KLK11: variants seen among roughly 807,000 people sequenced by gnomAD.
The protein encoded by KLK11 is kallikrein related peptidase 11, also known as kallikrein-11.
In KLK11, 10 loss-of-function variants were observed where a neutral mutation model predicts 23.4. The observed-to-expected ratio is 0.43, with a 90% CI of 0.26 to 0.73. The LOEUF (loss-of-function observed/expected upper bound fraction) is 0.73. Among genes scored for constraint, KLK11 ranks in the 30% least tolerant of loss-of-function variants. The pLI, the probability that KLK11 is intolerant of heterozygous loss-of-function variation, is 0.22. For synonymous variants in KLK11, 131 were observed against 131.7 expected, an observed-to-expected ratio of 0.99 and a Z score of 0.03; for missense variants, 285 against 327.8, an observed-to-expected ratio of 0.87 and a Z score of 1.01.
chr19:51,027,435 C>T (rs529445686), upstream of KLK11: 1 of 1,613,098 alleles, frequency 6.2e-7, no homozygotes, highest in African/African-American at 1.3e-5. Flanking sequence ...CCCAGGCAGC[C>T]CGAGTCCAGC....
rs1305715073 is a variant in KLK11 at position 51,024,808 on chromosome 19, G to A, written c.41-14C>T. On this transcript the variant is annotated splice_polypyrimidine_tract_variant and intron_variant, in intron 2 of 5. Coordinates refer to ENST00000453757, the MANE Select transcript of KLK11 (RefSeq NM_001136032.3). The surrounding 1 kb of genome is among the most constrained non-coding windows in gnomAD (Gnocchi z 6.2). ...CCCCTACAAGCCCTGGAGGGGGTGA[G>A]AGCAAAAGAAGGGGCTCAGGAAGGA... is the stretch of plus-strand genomic sequence containing the variant. The A allele has an allele frequency of 3.2e-6, 5 of 1,548,884 alleles. No individual in the cohort carries two copies. Among genetic ancestry groups the A allele is most frequent in the African/African-American group, 2.8e-5 (2 of 70,828 alleles).
Position 51,025,716 on chromosome 19 carries a change from G to GT in KLK11, c.-35-51_-35-50insA. On this transcript the variant is annotated intron_variant, in intron 1 of 5. Transcript: ENST00000453757. The surrounding 1 kb of genome is among the most constrained non-coding windows in gnomAD (Gnocchi z 6.2). ...CCGCATCACTTTACGGGGAAATCGG[G>GT]AGGGGGGGGCTGGCTCATGCCCTCT... 2 of 767,286 alleles carry GT rather than the reference G, an allele frequency of 2.6e-6. No homozygotes were observed. The highest frequency in any genetic ancestry group is 4.2e-6 in the Non-Finnish European group (2 of 473,394). The allele number at this position is 767,286 out of a possible 1,614,324, so 47.5% of individuals were successfully genotyped here.
upstream of KLK11, chr19:51,027,906 T>G (rs2091508776): frequency 5.5e-6 from 1 of 181,544 alleles, no homozygotes; most frequent in Non-Finnish European, 1.2e-5. Flanking sequence ...CTCCTCCAGT[T>G]TCCCTTCAGT....
In KLK11 at chr19:51,022,550, TG is replaced by T; in HGVS notation, c.747del (p.Asn249LysfsTer51). On this transcript the variant is annotated frameshift_variant, in exon 6 of 6. Transcript: ENST00000453757. LOFTEE classifies it high-confidence loss of function. The stretch of plus-strand genomic sequence containing the variant: ...CTGTGGTGGGTGGGTCCAGTCTAAT[TG>T]TTCTTCATCGTCTCCTGGATCCAGT... ...YVDWIQETMK[N>X]N 6.2e-7 allele frequency: 1 copy of T among 1,614,116 alleles called. No individual in the cohort carries two copies. Among genetic ancestry groups the T allele is most frequent in the Non-Finnish European group, 8.5e-7 (1 of 1,180,014 alleles).
At position 51,024,623 on chromosome 19, in the gene KLK11, A is replaced by G; in HGVS notation, c.197+15T>C. The G allele has an allele frequency of 9.5e-7, 1 of 1,055,426 alleles. No individual in the cohort carries two copies. The highest frequency in any genetic ancestry group is 1.3e-6 in the Non-Finnish European group (1 of 756,836). The allele number at this position is 1,055,426 out of a possible 1,614,324, so 65.4% of individuals were successfully genotyped here. ...CAGCCCCCCACCCCGGCACCGCCCC[A>G]GCCCCCGCACCCACGGCTTGAGGCA... On this transcript the variant is annotated intron_variant, in intron 3 of 5. Transcript: ENST00000453757. This position sits in a 1 kb window ranked among gnomAD's most constrained non-coding sequence, Gnocchi z 6.2.
In KLK11 at chr19:51,024,757, G is replaced by A. The variant is rs769371815; in HGVS notation, c.78C>T (p.Phe26=). The change falls in exon 3 of 6, where the codon TTC becomes TTT. Residue 26 remains phenylalanine, a synonymous_variant. Transcript: ENST00000453757. The surrounding 1 kb of genome is among the most constrained non-coding windows in gnomAD (Gnocchi z 6.2). ...AGGGCTGGGAGTGAGGCTTGCACTC[G>A]AACCCCTTGATGATCCTGGTCTCTC... ...VGGETRIIKG[F]ECKPHSQPWQ... is the part of the protein sequence containing the mutation. 10 of 1,601,840 alleles carry A rather than the reference G, an allele frequency of 6.2e-6. No individual in the cohort carries two copies. Among genetic ancestry groups the A allele is most frequent in the South Asian group, 2.2e-5 (2 of 89,162 alleles).
chr19:51,025,255 C>G lies in KLK11; in HGVS notation c.40+337G>C, dbSNP rs1259868178. On this transcript the variant is annotated intron_variant, in intron 2 of 5. Coordinates refer to ENST00000453757, the MANE Select transcript of KLK11 (RefSeq NM_001136032.3). The surrounding 1 kb of genome is among the most constrained non-coding windows in gnomAD (Gnocchi z 6.2). ...CGGCACTCCAGCCTGGACAATAGAG[C>G]AAGACTTTGTCTCTGGGAAAAAAAA... Among the ~76,000 whole-genome samples, 1 of 150,022 alleles carries G rather than the reference C, an allele frequency of 6.7e-6. No homozygotes were observed. Among genetic ancestry groups the G allele is most frequent in the East Asian group, 1.9e-4 (1 of 5,138 alleles).
intron 4 of KLK11, 184 bp downstream of exon 4, chr19:51,023,861 C>T (rs973033183): frequency 2.5e-5 from 13 of 514,432 alleles, no homozygotes; most frequent in Non-Finnish European, 3.7e-5. Flanking sequence ...TTGCATATCC[C>T]GTCCGTCTGA....
At chr19:51,027,736 C>A, upstream of KLK11, 1 of 522,060 alleles carries the variant, frequency 1.9e-6, no homozygotes, top group Non-Finnish European at 3.4e-6. Context: ...GGACTCCACC[C>A]CTGCAAGGCT....
At chr19:51,027,835 C>A, upstream of KLK11, 1 of 342,800 alleles carries the variant, frequency 2.9e-6, no homozygotes, top group Non-Finnish European at 5.4e-6. Flanking sequence ...TTGGAAAGAG[C>A]AGACTGCGGG....
At chr19:51,027,587 C>CT, upstream of KLK11, 2 of 1,579,616 alleles carry the variant, frequency 1.3e-6, no homozygotes, top group Non-Finnish European at 1.7e-6. Flanking sequence ...CTTCCCTTGG[C>CT]TTTCCTCCCC....
chr19:51,025,717 A>T lies in KLK11; in HGVS notation c.-35-51T>A. On this transcript the variant is annotated intron_variant, in intron 1 of 5. Coordinates refer to ENST00000453757, the MANE Select transcript of KLK11 (RefSeq NM_001136032.3). This position sits in a 1 kb window ranked among gnomAD's most constrained non-coding sequence, Gnocchi z 6.2. Reference sequence around the variant, plus strand: ...CGCATCACTTTACGGGGAAATCGGGAGGGGGGGGCTGGCTCATGCCCTCTC... The same window carrying T: ...CGCATCACTTTACGGGGAAATCGGGTGGGGGGGGCTGGCTCATGCCCTCTC... 7.1e-5 allele frequency: 43 copies of T among 606,396 alleles called. No individual in the cohort carries two copies. Among genetic ancestry groups the T allele is most frequent in the East Asian group, 1.0e-4 (3 of 29,090 alleles). 37.6% of individuals were successfully genotyped at this position (606,396 alleles called of 1,614,324 possible).
chr19:51,023,355 G>T, intron 4 of KLK11, 127 bp from the exon 5 acceptor site: 107 of 906,406 alleles, frequency 1.2e-4, no homozygotes, highest in Middle Eastern at 3.7e-4. Context: ...CTCTCTTCTT[G>T]TAACAATAGC....
At position 51,024,058 on chromosome 19, in the gene KLK11, C is replaced by T. The variant is rs369654018; in HGVS notation, c.450G>A (p.Thr150=). 2.0e-4 allele frequency: 314 copies of T among 1,543,198 alleles called. No homozygotes were observed. The highest frequency in any genetic ancestry group is 5.3e-4 in the South Asian group (42 of 78,896). The stretch of plus-strand genomic sequence containing the variant: ...TGGTGCTCCTACACTGGGGGCTGGA[C>T]GTGCTGCCCCAGCCGGAAATGAGGC... ...TSCLISGWGS[T]SSPQLRLPHT... is the part of the protein sequence containing the mutation. Residue 150 remains threonine, a synonymous_variant, in exon 4 of 6, where the codon ACG becomes ACA. Coordinates refer to ENST00000453757, the MANE Select transcript of KLK11 (RefSeq NM_001136032.3). The surrounding 1 kb of genome is among the most constrained non-coding windows in gnomAD (Gnocchi z 6.2).
In KLK11 at chr19:51,024,861, A is replaced by C; in HGVS notation, c.41-67T>G. The C allele has an allele frequency of 9.2e-6, 13 of 1,417,322 alleles. No individual in the cohort carries two copies. The highest frequency in any genetic ancestry group is 1.1e-5 in the Non-Finnish European group (12 of 1,069,564). The allele number at this position is 1,417,322 out of a possible 1,614,324, so 87.8% of individuals were successfully genotyped here. ...GGTGGTAGACCAGGAGGACTCCCAGAAATGGGGGTGGGGAGGAGAGAAAGA... is the reference window on the plus strand; with the variant it reads ...GGTGGTAGACCAGGAGGACTCCCAGCAATGGGGGTGGGGAGGAGAGAAAGA... On this transcript the variant is annotated intron_variant, in intron 2 of 5. Coordinates refer to ENST00000453757, the MANE Select transcript of KLK11 (RefSeq NM_001136032.3). The surrounding 1 kb of genome is among the most constrained non-coding windows in gnomAD (Gnocchi z 6.2).
upstream of KLK11, chr19:51,027,867 C>T (rs556142868): frequency 3.8e-5 from 9 of 235,572 alleles, no homozygotes; most frequent in Admixed American, 5.6e-5. Flanking sequence ...AATGTGCCTC[C>T]GCTGGTATGA....
chr19:51,025,682 G>A lies in KLK11; in HGVS notation c.-35-16C>T. Reference sequence around the variant, plus strand: ...CCAGGTTCCTCTGGGAACAAGGAGGGACATGGGGCCGCATCACTTTACGGG... The same window carrying A: ...CCAGGTTCCTCTGGGAACAAGGAGGAACATGGGGCCGCATCACTTTACGGG... On this transcript the variant is annotated splice_polypyrimidine_tract_variant and intron_variant, in intron 1 of 5. Coordinates refer to ENST00000453757, the MANE Select transcript of KLK11 (RefSeq NM_001136032.3). The surrounding 1 kb of genome is among the most constrained non-coding windows in gnomAD (Gnocchi z 6.2). The A allele has an allele frequency of 6.9e-7, 1 of 1,439,662 alleles. No homozygotes were observed. Among genetic ancestry groups the A allele is most frequent in the Non-Finnish European group, 9.5e-7 (1 of 1,056,568 alleles). 89.2% of individuals were successfully genotyped at this position (1,439,662 alleles called of 1,614,324 possible). A position where few individuals can be genotyped will look rare whatever the true frequency, so the allele number is the denominator to read the frequency against.
Position 51,025,573 on chromosome 19 carries a change from G to C in KLK11, c.40+19C>G. The C allele has an allele frequency of 6.5e-7, 1 of 1,531,972 alleles. No individual in the cohort carries two copies. Among genetic ancestry groups the C allele is most frequent in the Non-Finnish European group, 8.9e-7 (1 of 1,127,724 alleles). The allele number at this position is 1,531,972 out of a possible 1,614,324, so 94.9% of individuals were successfully genotyped here. A position where few individuals can be genotyped will look rare whatever the true frequency, so the allele number is the denominator to read the frequency against. ...GATTCAAGAGGGAGGATCCTGCCCTGCCCCCATCCCCTGCGTACCTGTTGC... is the reference window on the plus strand; with the variant it reads ...GATTCAAGAGGGAGGATCCTGCCCTCCCCCCATCCCCTGCGTACCTGTTGC... On this transcript the variant is annotated intron_variant, in intron 2 of 5. Transcript: ENST00000453757. The surrounding 1 kb of genome is among the most constrained non-coding windows in gnomAD (Gnocchi z 6.2).
chr19:51,025,768 C>A lies in KLK11; in HGVS notation c.-35-102G>T. 2 of 527,504 alleles carry A rather than the reference C, an allele frequency of 3.8e-6. No homozygotes were observed. Among genetic ancestry groups the A allele is most frequent in the Non-Finnish European group, 3.4e-6 (1 of 291,682 alleles). 32.7% of individuals were successfully genotyped at this position (527,504 alleles called of 1,614,324 possible). On this transcript the variant is annotated intron_variant, in intron 1 of 5. Transcript: ENST00000453757. The surrounding 1 kb of genome is among the most constrained non-coding windows in gnomAD (Gnocchi z 6.2). ...CTCTCTCCCTCACCTGCTCCCGCTC[C>A]CCACTTGGGAGAAACAAGGTTGGGG...
Sources: allele counts gnomAD v4.1 joint callset (sites outside exome capture counted in the v4.1 genomes callset), GRCh38; gene constraint gnomAD v4.1.1; non-coding constraint Gnocchi (gnomAD v3.1); transcripts MANE v1.5; gene names NCBI Gene and HGNC (gene_info 2026-07-23, HGNC 2026-07-21).